LRBA: variants seen among roughly 807,000 people sequenced by gnomAD.
LRBA encodes the protein LPS responsive beige-like anchor protein, also known as lipopolysaccharide-responsive and beige-like anchor protein.
In LRBA, 176 loss-of-function variants were observed where a neutral mutation model predicts 330.0. That is an observed-to-expected ratio of 0.53 (90% CI 0.47 to 0.60). The LOEUF (loss-of-function observed/expected upper bound fraction) is 0.60. Ranked by LOEUF, LRBA falls within the 20% of genes least tolerant of loss-of-function variation. LRBA has a pLI of 0.00. For missense variants in LRBA, 3,259 were observed against 3,444.8 expected (o/e 0.95, Z 1.35); for synonymous variants, 1,230 against 1,193.0 (o/e 1.03, Z -0.64).
At chr4:150,909,986 T>C (rs565287214) in intron 9 of LRBA, among the ~76,000 whole-genome samples, 3 of 152,310 alleles carry the variant, frequency 2.0e-5, no homozygotes, top group South Asian at 2.1e-4. Context: ...TCAACTCTTT[T>C]ATGCATTTTT....
chr4:150,680,214 G>A (rs1173406612), intron 37 of LRBA, among the ~76,000 whole-genome samples: 1 of 152,154 alleles, frequency 6.6e-6, no homozygotes, highest in Admixed American at 6.5e-5. Flanking sequence ...GGATGAACAG[G>A]TACTTGTCTG....
intron 35 of LRBA, among the ~76,000 whole-genome samples, chr4:150,745,262 G>T (rs1439786482): frequency 6.6e-6 from 1 of 152,148 alleles, no homozygotes; most frequent in African/African-American, 2.4e-5. Context: ...AACATAAGTT[G>T]CTTTGAGCTG....
chr4:150,854,880 T>C lies in LRBA; in HGVS notation c.2767-1937A>G, dbSNP rs953444520. 3.3e-5 allele frequency among the ~76,000 whole-genome samples: 5 copies of C among 152,220 alleles called. No individual in the cohort carries two copies. In the South Asian group the frequency reaches 1.0e-3, roughly 32 times the overall value. On this transcript the variant is annotated intron_variant, in intron 22 of 56. Coordinates refer to ENST00000651943, the MANE Select transcript of LRBA (RefSeq NM_001364905.1). ...GCTAGATTATGATTGTAGAACATTATAGACTGTATTAAAGACTGTATTTTA... is the reference window on the plus strand; with the variant it reads ...GCTAGATTATGATTGTAGAACATTACAGACTGTATTAAAGACTGTATTTTA...
At chr4:150,883,657 T>G (rs1728643585) in intron 17 of LRBA, among the ~76,000 whole-genome samples, 1 of 152,178 alleles carries the variant, frequency 6.6e-6, no homozygotes, top group African/African-American at 2.4e-5. Context: ...AAGAATACTT[T>G]CAAAGAACTC....
intron 48 of LRBA, among the ~76,000 whole-genome samples, chr4:150,328,943 T>C (rs753470603): frequency 6.6e-6 from 1 of 152,212 alleles, no homozygotes; most frequent in Non-Finnish European, 1.5e-5. Flanking sequence ...CTTAACAATG[T>C]TTTGAGATGA....
intron 40 of LRBA, among the ~76,000 whole-genome samples, chr4:150,504,809 G>C (rs767666835): frequency 6.6e-6 from 1 of 152,190 alleles, no homozygotes; most frequent in Non-Finnish European, 1.5e-5. Flanking sequence ...AGACCCATCA[G>C]TGTGCTGTAT....
chr4:150,298,512 G>T (rs548539433), intron 53 of LRBA, among the ~76,000 whole-genome samples: 2 of 152,194 alleles, frequency 1.3e-5, no homozygotes, highest in East Asian at 1.9e-4. Context: ...ATAACAAAAT[G>T]AAGTTTTAGA....
intron 44 of LRBA, among the ~76,000 whole-genome samples, 167 bp downstream of exon 44, chr4:150,467,506 T>C (rs1198954747): frequency 1.3e-5 from 2 of 152,132 alleles, no homozygotes; most frequent in African/African-American, 2.4e-5. Flanking sequence ...GTAGTGTTTA[T>C]CATGCACATT....
chr4:150,408,309 GAAAT>G (rs1746485715), intron 47 of LRBA, among the ~76,000 whole-genome samples: 1 of 151,748 alleles, frequency 6.6e-6, no homozygotes, highest in Non-Finnish European at 1.5e-5. Flanking sequence ...TTCCAAGAAA[GAAAT>G]AAATTACTGA....
chr4:151,010,086 A>C (rs1229912103), intron 2 of LRBA, among the ~76,000 whole-genome samples: 1 of 152,210 alleles, frequency 6.6e-6, no homozygotes, highest in Non-Finnish European at 1.5e-5. Context: ...ACCATTTTAT[A>C]TAAGAGACTG....
At chr4:150,638,448 C>G (rs929319828) in intron 37 of LRBA, among the ~76,000 whole-genome samples, 5 of 152,098 alleles carry the variant, frequency 3.3e-5, no homozygotes, top group Admixed American at 3.3e-4. Context: ...GATTTCTCAC[C>G]TATATTTATG....
intron 25 of LRBA, 98 bp from the exon 26 acceptor site, chr4:150,849,096 A>C: frequency 1.3e-6 from 1 of 770,022 alleles, no homozygotes; most frequent in East Asian, 2.8e-5. Flanking sequence ...AAGTAGTCAG[A>C]CTTTCAGAAA....
At chr4:150,503,276 C>T (rs1434122506) in intron 40 of LRBA, among the ~76,000 whole-genome samples, 2 of 152,174 alleles carry the variant, frequency 1.3e-5, no homozygotes, top group East Asian at 3.9e-4. Context: ...CCCTGACCCC[C>T]GAGTAGCCTA....
At chr4:150,280,744 G>C (rs1262857946) in intron 55 of LRBA, among the ~76,000 whole-genome samples, 3 of 152,184 alleles carry the variant, frequency 2.0e-5, no homozygotes, top group Admixed American at 1.3e-4. Context: ...TGAGGAAGGA[G>C]CTGGAGATTC....
At chr4:150,357,638 T>C (rs1362067936) in intron 47 of LRBA, among the ~76,000 whole-genome samples, 1 of 149,956 alleles carries the variant, frequency 6.7e-6, no homozygotes, top group Non-Finnish European at 1.5e-5. Context: ...ATCACACACA[T>C]AGGGATATTG....
chr4:150,660,489 A>AGCCCCCCCC (rs1229007271), intron 37 of LRBA, among the ~76,000 whole-genome samples: 5 of 150,508 alleles, frequency 3.3e-5, no homozygotes, highest in African/African-American at 1.2e-4. Context: ...GGGGGGGGTC[A>AGCCCCCCCC]GCCCCCCCCG....
chr4:150,869,152 CT>C (rs1458091008), intron 20 of LRBA, among the ~76,000 whole-genome samples: 1 of 151,788 alleles, frequency 6.6e-6, no homozygotes, highest in Non-Finnish European at 1.5e-5. Context: ...AACTCCTGAC[CT>C]CGTGATCCAC....
At chr4:150,866,618 A>C (rs532756159) in intron 22 of LRBA, among the ~76,000 whole-genome samples, 1 of 152,354 alleles carries the variant, frequency 6.6e-6, no homozygotes, top group East Asian at 1.9e-4. Context: ...TATCTTGTAA[A>C]GTTCAACATT....
chr4:150,796,081 T>G (rs985978207), intron 34 of LRBA, among the ~76,000 whole-genome samples: 1 of 151,950 alleles, frequency 6.6e-6, no homozygotes, highest in African/African-American at 2.4e-5. Flanking sequence ...CATCTCCTCT[T>G]AAAAAATTAA....
Sources: allele counts gnomAD v4.1 joint callset (sites outside exome capture counted in the v4.1 genomes callset), GRCh38; gene constraint gnomAD v4.1.1; transcripts MANE v1.5; gene names NCBI Gene and HGNC (gene_info 2026-07-23, HGNC 2026-07-21).